Variants in RPS6KC1 observed in about 807,000 individuals in gnomAD.
RPS6KC1 encodes ribosomal protein S6 kinase C1.
RPS6KC1 carries 54 observed loss-of-function variants against 103.8 expected under a neutral mutation model. That is an observed-to-expected ratio of 0.52 (90% CI 0.42 to 0.65). RPS6KC1 has a LOEUF of 0.65. Ranked by LOEUF, RPS6KC1 falls within the 30% of genes least tolerant of loss-of-function variation. RPS6KC1 has a pLI of 0.00. For missense variants in RPS6KC1, 1,151 were observed against 1,253.8 expected, an observed-to-expected ratio of 0.92 and a Z score of 1.24; for synonymous variants, 439 against 438.7, an observed-to-expected ratio of 1.00 and a Z score of -0.01.
the RPS6KC1 span, among the ~76,000 whole-genome samples, chr1:213,650,565 C>T: frequency 9.2e-4 from 140 of 152,278 alleles, no homozygotes; most frequent in Non-Finnish European, 1.5e-3. Context: ...TGTCCGCATC[C>T]GGGCCCCCTC....
intron 4 of RPS6KC1, among the ~76,000 whole-genome samples, chr1:213,110,320 T>C (rs1471035496): frequency 6.6e-6 from 1 of 152,168 alleles, no homozygotes; most frequent in African/African-American, 2.4e-5. Flanking sequence ...TTGGATAATA[T>C]ACGATAGAAC....
At chr1:213,389,173 G>A in the RPS6KC1 span, among the ~76,000 whole-genome samples, 4 of 151,796 alleles carry the variant, frequency 2.6e-5, no homozygotes, top group African/African-American at 9.7e-5. Flanking sequence ...ACAAGGAGTA[G>A]CTGTTTTAAG....
chr1:213,723,626 G>T, the RPS6KC1 span, among the ~76,000 whole-genome samples: 1 of 152,260 alleles, frequency 6.6e-6, no homozygotes, highest in Admixed American at 6.5e-5. Flanking sequence ...GGTACTAGCT[G>T]TTAGGACTCC....
At chr1:213,712,760 G>A in the RPS6KC1 span, among the ~76,000 whole-genome samples, 1 of 152,188 alleles carries the variant, frequency 6.6e-6, no homozygotes, top group Non-Finnish European at 1.5e-5. Context: ...CCCTGGGCTT[G>A]GGGAGGGAGT....
intron 1 of RPS6KC1, among the ~76,000 whole-genome samples, chr1:213,068,707 G>A (rs1012765793): frequency 6.6e-6 from 1 of 151,732 alleles, no homozygotes; most frequent in African/African-American, 2.4e-5. Flanking sequence ...ACCACATGTA[G>A]CTATTTTGAT....
intron 12 of RPS6KC1, among the ~76,000 whole-genome samples, chr1:213,259,242 A>AT (rs2094722155): frequency 6.6e-6 from 1 of 152,188 alleles, no homozygotes; most frequent in Admixed American, 6.6e-5. Flanking sequence ...ATTTGTGTCA[A>AT]TTACATATTC....
chr1:213,163,184 A>G (rs1230771787), intron 6 of RPS6KC1, among the ~76,000 whole-genome samples: 2 of 152,220 alleles, frequency 1.3e-5, no homozygotes, highest in Non-Finnish European at 2.9e-5. Flanking sequence ...TTATGTGACT[A>G]AAGTTGTTAA....
the RPS6KC1 span, among the ~76,000 whole-genome samples, chr1:213,321,022 C>A: frequency 6.6e-6 from 1 of 152,152 alleles, no homozygotes; most frequent in Admixed American, 6.5e-5. Context: ...GAGCAGAAGT[C>A]CCATATTTTT....
At chr1:213,674,161 G>T in the RPS6KC1 span, among the ~76,000 whole-genome samples, 1 of 152,176 alleles carries the variant, frequency 6.6e-6, no homozygotes, top group African/African-American at 2.4e-5. Context: ...TGGGACTACA[G>T]GTACATGCCA....
the RPS6KC1 span, among the ~76,000 whole-genome samples, chr1:213,498,955 T>A: frequency 6.6e-6 from 1 of 151,560 alleles, no homozygotes; most frequent in Non-Finnish European, 1.5e-5. Context: ...GATTTTTGTA[T>A]TTTTAGTAGA....
the RPS6KC1 span, among the ~76,000 whole-genome samples, chr1:213,736,442 A>T: frequency 1.3e-4 from 20 of 152,240 alleles, no homozygotes; most frequent in Admixed American, 1.0e-3. Context: ...TTTCTTGCCA[A>T]GAGGCCTTTT....
At chr1:213,141,671 T>G (rs1055992169) in intron 6 of RPS6KC1, among the ~76,000 whole-genome samples, 6 of 152,062 alleles carry the variant, frequency 3.9e-5, no homozygotes, top group Non-Finnish European at 7.3e-5. Flanking sequence ...TTGCTACCTT[T>G]GGGATTGGTT....
the RPS6KC1 span, among the ~76,000 whole-genome samples, chr1:213,805,372 G>T: frequency 6.6e-6 from 1 of 151,984 alleles, no homozygotes; most frequent in Non-Finnish European, 1.5e-5. Context: ...CCCTGCTGCC[G>T]CTTTGCCAAC....
At chr1:213,809,598 A>G in the RPS6KC1 span, among the ~76,000 whole-genome samples, 3 of 152,228 alleles carry the variant, frequency 2.0e-5, no homozygotes, top group Admixed American at 1.3e-4. Context: ...AGTTTACTAC[A>G]TACGCCCTCA....
chr1:213,129,778 A>G lies in RPS6KC1; in HGVS notation c.724A>G (p.Lys242Glu), dbSNP rs891877033. Reference sequence around the variant, plus strand: ...GCTTGGCAAGAGAGATTATTTGGAGAAAGCAGGAGAATTAATAAAGCTGGC... The same window carrying G: ...GCTTGGCAAGAGAGATTATTTGGAGGAAGCAGGAGAATTAATAAAGCTGGC... ...PKLGKRDYLEKAGELIKLALK... is the reference protein window; with the variant it reads ...PKLGKRDYLEEAGELIKLALK... Residue 242 changes from lysine (K) to glutamate (E), a missense_variant, in exon 6 of 15, where the codon AAA becomes GAA. By Grantham distance (56) the Lys-to-Glu change is moderately conservative. Transcript: ENST00000366960. 1 of 1,614,076 alleles carries G rather than the reference A, an allele frequency of 6.2e-7. No homozygotes were observed. The highest frequency in any genetic ancestry group is 8.5e-7 in the Non-Finnish European group (1 of 1,179,980).
At chr1:213,703,525 G>C in the RPS6KC1 span, among the ~76,000 whole-genome samples, 1 of 152,026 alleles carries the variant, frequency 6.6e-6, no homozygotes, top group African/African-American at 2.4e-5. Context: ...ATTTCTTATA[G>C]GACATGTCTG....
At chr1:213,657,158 GA>G in the RPS6KC1 span, among the ~76,000 whole-genome samples, 1 of 151,586 alleles carries the variant, frequency 6.6e-6, no homozygotes, top group Non-Finnish European at 1.5e-5. Context: ...ATGAACAAGT[GA>G]AAAAAAAGTA....
At chr1:213,219,493 GCCATT>G (rs1386106958) in intron 8 of RPS6KC1, among the ~76,000 whole-genome samples, 1 of 152,184 alleles carries the variant, frequency 6.6e-6, no homozygotes, top group African/African-American at 2.4e-5. Flanking sequence ...ATTTGATCCA[GCCATT>G]CCATTACCGG....
At chr1:213,357,882 G>A in the RPS6KC1 span, among the ~76,000 whole-genome samples, 1 of 152,156 alleles carries the variant, frequency 6.6e-6, no homozygotes, top group Non-Finnish European at 1.5e-5. Flanking sequence ...TCCACAGGGT[G>A]GTGGAGGTGG....
Sources: allele counts gnomAD v4.1 joint callset (sites outside exome capture counted in the v4.1 genomes callset), GRCh38; gene constraint gnomAD v4.1.1; transcripts MANE v1.5; gene names NCBI Gene and HGNC (gene_info 2026-07-23, HGNC 2026-07-21).